ACSS3: variants seen among roughly 807,000 people sequenced by gnomAD.
ACSS3 encodes acyl-CoA synthetase short-chain family member 3, mitochondrial.
ACSS3 carries 64 observed loss-of-function variants against 84.2 expected under a neutral mutation model. The observed-to-expected ratio is 0.76, with a 90% confidence interval of 0.62 to 0.94. The LOEUF (loss-of-function observed/expected upper bound fraction) is 0.94, where lower values mean the gene tolerates loss of function less well. ACSS3 is among the 40% of genes least tolerant of loss of function. ACSS3 has a pLI of 0.00. For missense variants in ACSS3, 815 were observed against 867.6 expected (o/e 0.94, Z 0.76); for synonymous variants, 317 against 310.1 (o/e 1.02, Z -0.23).
rs12309548 is a variant in ACSS3, at chr12:81,097,131, C to T, written c.312-12429C>T. Among the ~76,000 whole-genome samples, 241 of 152,142 alleles carry T rather than the reference C, an allele frequency of 1.6e-3. 1 individual carries two copies. The highest frequency in any genetic ancestry group is 5.5e-3 in the African/African-American group (228 of 41,526). On this transcript the variant is annotated intron_variant, in intron 1 of 15. Coordinates refer to ENST00000548058, the MANE Select transcript of ACSS3 (RefSeq NM_024560.4). The stretch of plus-strand genomic sequence containing the variant: ...ATTTAGTTAGACACATGTGGCTAGT[C>T]GTTACCCTACTGAGCAGCAGAGACA...
At chr12:81,253,737 A>G in intron 15 of ACSS3, 67 bp downstream of exon 15, 1 of 1,514,370 alleles carries the variant, frequency 6.6e-7, no homozygotes, top group Non-Finnish European at 9.0e-7. Flanking sequence ...GGCATCAGCA[A>G]AGCTCTTAAA....
At chr12:81,168,014 A>G (rs1887484054) in intron 7 of ACSS3, among the ~76,000 whole-genome samples, 1 of 152,202 alleles carries the variant, frequency 6.6e-6, no homozygotes, top group African/African-American at 2.4e-5. Flanking sequence ...ACCATGTGAC[A>G]TTGCTGATAT....
At chr12:81,209,025 CAT>C (rs1384027083) in intron 9 of ACSS3, among the ~76,000 whole-genome samples, 12 of 152,112 alleles carry the variant, frequency 7.9e-5, no homozygotes, top group African/African-American at 2.9e-4. Context: ...ATAATGGTAA[CAT>C]ATAGCTTTTA....
chr12:81,104,102 A>G (rs1308124226), intron 1 of ACSS3, among the ~76,000 whole-genome samples: 1 of 152,228 alleles, frequency 6.6e-6, no homozygotes, highest in Non-Finnish European at 1.5e-5. Context: ...GATGTTGTAT[A>G]TCAAACACAC....
chr12:81,085,277 T>C (rs975093509), intron 1 of ACSS3, among the ~76,000 whole-genome samples: 2 of 152,198 alleles, frequency 1.3e-5, no homozygotes, highest in African/African-American at 2.4e-5. Context: ...ACTCAGTAGA[T>C]CTGTTTGTTC....
At chr12:81,200,925 G>A (rs1285620414) in intron 9 of ACSS3, among the ~76,000 whole-genome samples, 16 of 147,634 alleles carry the variant, frequency 1.1e-4, no homozygotes, top group African/African-American at 2.7e-4. Flanking sequence ...AAGAAAGAAA[G>A]AAAAAAATGT....
chr12:81,199,554 A>G lies in ACSS3; in HGVS notation c.1354+110A>G, dbSNP rs186132179. The G allele has an allele frequency of 2.9e-3, 4,174 of 1,452,496 alleles. 193 individuals carry two copies. The Admixed American group carries it at 0.073, about 26-fold the overall frequency. 90.0% of individuals were successfully genotyped at this position (1,452,496 alleles called of 1,614,324 possible). On this transcript the variant is annotated intron_variant, in intron 9 of 15. Coordinates refer to ENST00000548058, the MANE Select transcript of ACSS3 (RefSeq NM_024560.4). ...CCAGCAGATCAGACACAAACTCGGGATTCGAGTGGTTCAGGTTTCAGTAAA... is the reference window on the plus strand; with the variant it reads ...CCAGCAGATCAGACACAAACTCGGGGTTCGAGTGGTTCAGGTTTCAGTAAA...
intron 5 of ACSS3, 70 bp from the exon 6 acceptor site, chr12:81,151,774 G>A: frequency 7.4e-7 from 1 of 1,352,856 alleles, no homozygotes; most frequent in Non-Finnish European, 1.0e-6. Context: ...TTTTAAAGTG[G>A]ATGCTATGAA....
At chr12:81,136,187 G>A (rs1421568305) in intron 3 of ACSS3, among the ~76,000 whole-genome samples, 3 of 152,096 alleles carry the variant, frequency 2.0e-5, no homozygotes, top group Non-Finnish European at 4.4e-5. Flanking sequence ...ATCTAAAACA[G>A]CACACTGTCT....
chr12:81,139,619 A>AAAT (rs140742036), intron 4 of ACSS3, among the ~76,000 whole-genome samples: 46,469 of 98,812 alleles, frequency 0.47, 7,943 homozygotes, highest in Admixed American at 0.6. Flanking sequence ...TATATATATA[A>AAAT]AATAATAATA....
At chr12:81,117,228 A>G (rs1045649340) in intron 2 of ACSS3, among the ~76,000 whole-genome samples, 3 of 152,206 alleles carry the variant, frequency 2.0e-5, no homozygotes, top group African/African-American at 7.2e-5. Flanking sequence ...TGTGGAACAC[A>G]TAATATATAT....
chr12:81,151,828 C>T lies in ACSS3; in HGVS notation c.922-16C>T. The T allele has an allele frequency of 6.2e-7, 1 of 1,605,196 alleles. No homozygotes were observed. Among genetic ancestry groups the T allele is most frequent in the Non-Finnish European group, 8.5e-7 (1 of 1,175,986 alleles). ...ACATTGTTTATTGATTTTAATTTCA[C>T]TTTTTCTCTCCTTAGGGTGTGATTA... On this transcript the variant is annotated splice_polypyrimidine_tract_variant and intron_variant, in intron 5 of 15. Transcript: ENST00000548058.
intron 1 of ACSS3, among the ~76,000 whole-genome samples, chr12:81,089,964 C>G (rs890515376): frequency 2.6e-5 from 4 of 151,988 alleles, no homozygotes; most frequent in African/African-American, 9.7e-5. Context: ...ACTGTAGAGC[C>G]TAATTTCAGT....
At chr12:81,210,688 G>T (rs561407940) in intron 9 of ACSS3, among the ~76,000 whole-genome samples, 6 of 152,212 alleles carry the variant, frequency 3.9e-5, no homozygotes, top group Non-Finnish European at 5.9e-5. Flanking sequence ...TGGTTCACAG[G>T]AATAATCAAG....
chr12:81,217,228 T>C (rs1221041254), intron 10 of ACSS3, among the ~76,000 whole-genome samples: 1 of 152,156 alleles, frequency 6.6e-6, no homozygotes, highest in Non-Finnish European at 1.5e-5. Flanking sequence ...TAATAAGGTA[T>C]GTTAGGAATA....
At chr12:81,079,365 A>G (rs1326161729) in intron 1 of ACSS3, among the ~76,000 whole-genome samples, 1 of 152,164 alleles carries the variant, frequency 6.6e-6, no homozygotes, top group Admixed American at 6.5e-5. Flanking sequence ...CTCATCTGCC[A>G]GCCATTAGAG....
At chr12:81,212,083 T>C (rs1921036) in intron 9 of ACSS3, among the ~76,000 whole-genome samples, 71,681 of 151,962 alleles carry the variant, frequency 0.47, 17,191 homozygotes, top group Middle Eastern at 0.51. Flanking sequence ...GAGGTCTTTC[T>C]TGTTCAATAC....
intron 8 of ACSS3, among the ~76,000 whole-genome samples, chr12:81,176,029 C>T (rs1024829768): frequency 3.9e-5 from 6 of 151,918 alleles, no homozygotes; most frequent in East Asian, 3.9e-4. Context: ...AATTTAGATG[C>T]TAAAAAACCA....
At position 81,231,062 on chromosome 12, in the gene ACSS3, C is replaced by T; in HGVS notation, c.1520C>T (p.Pro507Leu). ...CTTCTCTGTTTTTATATAAGGTTACCATTGCCACCTGGGGCTTTTTCAGGA... is the reference window on the plus strand; with the variant it reads ...CTTCTCTGTTTTTATATAAGGTTACTATTGCCACCTGGGGCTTTTTCAGGA... ...RCLGNIVVKL[P>L]LPPGAFSGLW... The change falls in exon 12 of 16, where the codon CCA becomes CTA. Residue 507 changes from proline (P) to leucine (L), a missense_variant. By Grantham distance (98) the Pro-to-Leu change is moderately conservative. Coordinates refer to ENST00000548058, the MANE Select transcript of ACSS3 (RefSeq NM_024560.4). 6.2e-7 allele frequency: 1 copy of T among 1,609,722 alleles called. No individual in the cohort carries two copies. Among genetic ancestry groups the T allele is most frequent in the Non-Finnish European group, 8.5e-7 (1 of 1,177,402 alleles).
Sources: gnomAD v4.1 joint callset for allele counts (sites outside exome capture counted in the v4.1 genomes callset) on GRCh38, gnomAD v4.1.1 for gene constraint, MANE v1.5 for transcripts, NCBI Gene and HGNC (gene_info 2026-07-23, HGNC 2026-07-21) for gene names.